The following OTOGL variants were observed in gnomAD, a reference collection of about 807,000 sequenced individuals.
The protein encoded by OTOGL is otogelin like.
A neutral mutation model predicts 318.5 loss-of-function variants in OTOGL; 285 were observed. That is an observed-to-expected ratio of 0.89 (90% CI 0.81 to 0.99). OTOGL has a LOEUF of 0.99. Ranked by LOEUF, OTOGL falls within the 50% of genes least tolerant of loss-of-function variation. The pLI, the probability that OTOGL is intolerant of heterozygous loss-of-function variation, is 0.00. For missense variants in OTOGL, 2,899 were observed against 2,845.6 expected (o/e 1.02, Z -0.43); for synonymous variants, 987 against 936.5 (o/e 1.05, Z -0.99).
chr12:80,127,838 C>T (rs542058781), intron 1 of OTOGL, among the ~76,000 whole-genome samples: 9 of 152,288 alleles, frequency 5.9e-5, no homozygotes, highest in African/African-American at 2.2e-4. Context: ...GAGTCAGCTA[C>T]TGAGGCTTGT....
intron 27 of OTOGL, among the ~76,000 whole-genome samples, chr12:80,297,395 G>A (rs555741444): frequency 6.7e-5 from 10 of 149,410 alleles, no homozygotes; most frequent in East Asian, 2.0e-4. Flanking sequence ...GCAGTGGCAC[G>A]ATCTCGGCTC....
At chr12:80,177,856 T>A (rs1304840005) in intron 1 of OTOGL, among the ~76,000 whole-genome samples, 1 of 152,108 alleles carries the variant, frequency 6.6e-6, no homozygotes, top group African/African-American at 2.4e-5. Context: ...GAGCAACCTT[T>A]AGTCTAGGGC....
At chr12:80,166,194 C>CCT (rs3045762) in intron 1 of OTOGL, among the ~76,000 whole-genome samples, 86,719 of 147,354 alleles carry the variant, frequency 0.59, 25,563 homozygotes, top group Admixed American at 0.67. Context: ...CTCCCTTCTT[C>CCT]CTCTCTCTCT....
chr12:80,167,157 C>G (rs1873881970), intron 1 of OTOGL, among the ~76,000 whole-genome samples: 1 of 152,050 alleles, frequency 6.6e-6, no homozygotes, highest in Non-Finnish European at 1.5e-5. Flanking sequence ...TAGCTCTAGT[C>G]TTTTCCCTGG....
chr12:80,295,142 T>G (rs576822696), intron 26 of OTOGL, among the ~76,000 whole-genome samples: 2 of 143,510 alleles, frequency 1.4e-5, no homozygotes, highest in South Asian at 2.2e-4. Flanking sequence ...AAACACAAAC[T>G]GTATGATTGC....
intron 22 of OTOGL, 53 bp from the exon 23 acceptor site, chr12:80,270,045 GAAAA>G: frequency 5.6e-6 from 5 of 890,936 alleles, no homozygotes; most frequent in Non-Finnish European, 8.2e-6. Context: ...GAAATTCAGG[GAAAA>G]AAAAAAAAAC....
chr12:80,102,678 G>C (rs575771742), intron 1 of OTOGL, among the ~76,000 whole-genome samples: 1 of 152,154 alleles, frequency 6.6e-6, no homozygotes, highest in South Asian at 2.1e-4. Context: ...TGTAGTCAGG[G>C]TGTTTGAAAA....
At chr12:80,352,237 T>C (rs1034578973) in intron 44 of OTOGL, 58 bp from the exon 45 acceptor site, 4 of 1,459,272 alleles carry the variant, frequency 2.7e-6, no homozygotes, top group East Asian at 2.3e-5. Flanking sequence ...TAGTCTAGCT[T>C]AGGGCTTTCA....
chr12:80,252,491 T>A (rs908244143), intron 13 of OTOGL, among the ~76,000 whole-genome samples: 6 of 152,198 alleles, frequency 3.9e-5, no homozygotes, highest in Non-Finnish European at 8.8e-5. Context: ...AATTTATATA[T>A]CTTCACTTTT....
chr12:80,292,933 A>G (rs1441918004), intron 26 of OTOGL, among the ~76,000 whole-genome samples: 1 of 152,248 alleles, frequency 6.6e-6, no homozygotes, highest in East Asian at 1.9e-4. Context: ...AGGAGCCCTA[A>G]TACCCAAAAA....
rs139065417 is a variant in OTOGL, at chr12:80,239,812, A to G, written c.1052+373A>G. Among the ~76,000 whole-genome samples the G allele has an allele frequency of 8.4e-3, 1,277 of 152,072 alleles. 26 individuals carry two copies. Among genetic ancestry groups the G allele is most frequent in the African/African-American group, 0.029 (1,224 of 41,498 alleles). Reference sequence around the variant, plus strand: ...TAGCTATAGTCCCCCCTACTTTTCTATCCAACACCAGGTCTTATTTCTTCT... The same window carrying G: ...TAGCTATAGTCCCCCCTACTTTTCTGTCCAACACCAGGTCTTATTTCTTCT... On this transcript the variant is annotated intron_variant, in intron 11 of 58. Coordinates refer to ENST00000547103, the MANE Select transcript of OTOGL (RefSeq NM_001378609.3).
At chr12:80,253,445 T>G in intron 13 of OTOGL, 21 bp from the exon 14 acceptor site, 1 of 1,554,928 alleles carries the variant, frequency 6.4e-7, no homozygotes, top group Non-Finnish European at 8.9e-7. Context: ...GAAATTTTGA[T>G]GTGTATTTCT....
At position 80,256,493 on chromosome 12, in the gene OTOGL, A is replaced by C; in HGVS notation, c.1711+33A>C. On this transcript the variant is annotated intron_variant, in intron 17 of 58. Coordinates refer to ENST00000547103, the MANE Select transcript of OTOGL (RefSeq NM_001378609.3). ...ACAGTGCTAATGGTGTACTTTCTTT[A>C]CATCAAACAAACAAACAAACAAACA... 2.8e-6 allele frequency: 3 copies of C among 1,080,764 alleles called. No homozygotes were observed. In the South Asian group the frequency reaches 5.2e-5, roughly 19 times the overall value. 66.9% of individuals were successfully genotyped at this position (1,080,764 alleles called of 1,614,324 possible).
At chr12:80,196,902 G>C (rs1264071242) in intron 1 of OTOGL, among the ~76,000 whole-genome samples, 1 of 152,110 alleles carries the variant, frequency 6.6e-6, no homozygotes, top group Non-Finnish European at 1.5e-5. Flanking sequence ...GGGGTGGTCG[G>C]ACATGCCTCA....
chr12:80,356,594 T>C, intron 48 of OTOGL, 74 bp downstream of exon 48: 6 of 1,209,656 alleles, frequency 5.0e-6, no homozygotes, highest in East Asian at 2.5e-5. Context: ...TTCTCATTCA[T>C]TGTGTCTCCA....
intron 8 of OTOGL, 98 bp from the exon 9 acceptor site, chr12:80,232,794 T>C: frequency 9.6e-7 from 1 of 1,037,128 alleles, no homozygotes; most frequent in Non-Finnish European, 1.4e-6. Flanking sequence ...TTTCAAGTAA[T>C]CATTTTCTTT....
chr12:80,112,621 T>C (rs890930448), intron 1 of OTOGL, among the ~76,000 whole-genome samples: 1 of 152,160 alleles, frequency 6.6e-6, no homozygotes, highest in Non-Finnish European at 1.5e-5. Flanking sequence ...ATAAGCTTTT[T>C]GATGTGTTGC....
intron 35 of OTOGL, among the ~76,000 whole-genome samples, chr12:80,327,899 C>T (rs1242374763): frequency 4.7e-5 from 6 of 126,882 alleles, no homozygotes; most frequent in African/African-American, 1.2e-4. Context: ...GCGGAGATTG[C>T]AGTGAGCCGA....
chr12:80,222,878 T>C (rs1002166698), intron 7 of OTOGL, among the ~76,000 whole-genome samples: 6 of 152,180 alleles, frequency 3.9e-5, no homozygotes, highest in Admixed American at 3.9e-4. Context: ...TCTAAGGTGA[T>C]GCAAATATTA....
Sources: allele counts gnomAD v4.1 joint callset (sites outside exome capture counted in the v4.1 genomes callset), GRCh38; gene constraint gnomAD v4.1.1; transcripts MANE v1.5; gene names NCBI Gene and HGNC (gene_info 2026-07-23, HGNC 2026-07-21).